The following LRRTM4 variants were observed in gnomAD, a reference collection of about 807,000 sequenced individuals.
LRRTM4 encodes the protein leucine-rich repeat transmembrane neuronal protein 4.
LRRTM4 carries 25 observed loss-of-function variants against 47.6 expected under a neutral mutation model. That is an observed-to-expected ratio of 0.53 (90% CI 0.38 to 0.73). LRRTM4 has a LOEUF of 0.73. LRRTM4 is among the 30% of genes least tolerant of loss of function. The pLI is 0.00. For synonymous variants in LRRTM4, 311 were observed against 269.5 expected (o/e 1.15, Z -1.51); for missense variants, 638 against 713.4 (o/e 0.89, Z 1.20).
chr2:76,803,859 A>AT (rs1675830254), intron 3 of LRRTM4, among the ~76,000 whole-genome samples: 1 of 152,126 alleles, frequency 6.6e-6, no homozygotes, highest in Non-Finnish European at 1.5e-5. Context: ...CAAAAACCTG[A>AT]TTTTCCTGTG....
intron 3 of LRRTM4, among the ~76,000 whole-genome samples, chr2:77,088,881 C>T (rs1161631230): frequency 6.6e-6 from 1 of 152,132 alleles, no homozygotes; most frequent in Non-Finnish European, 1.5e-5. Flanking sequence ...CAATCTCTTT[C>T]TCCTTTCAAT....
rs549680893 is a variant in LRRTM4 at position 76,837,338 on chromosome 2, A to T, written c.1552-88422T>A. ...ATCCTTTCAAAAAACCAGCTCCTGG[A>T]TTCATTAATTTTTTGAAGGGTTTTT... On this transcript the variant is annotated intron_variant, in intron 3 of 3. Coordinates refer to ENST00000409884, the MANE Select transcript of LRRTM4 (RefSeq NM_001134745.3). Among the ~76,000 whole-genome samples the T allele has an allele frequency of 3.3e-5, 5 of 152,010 alleles. No homozygotes were observed. In the East Asian group the frequency reaches 9.7e-4, roughly 29 times the overall value.
chr2:76,915,944 C>T (rs7592470), intron 3 of LRRTM4, among the ~76,000 whole-genome samples: 55,744 of 151,768 alleles, frequency 0.37, 11,160 homozygotes, highest in East Asian at 0.72. Context: ...ATCTTTGCCT[C>T]TTAAAAGGCA....
At chr2:77,145,451 C>G (rs1672231649) in intron 3 of LRRTM4, among the ~76,000 whole-genome samples, 1 of 151,686 alleles carries the variant, frequency 6.6e-6, no homozygotes, top group Non-Finnish European at 1.5e-5. Flanking sequence ...TTAAAATCTT[C>G]TAGTCATTGG....
intron 3 of LRRTM4, among the ~76,000 whole-genome samples, chr2:76,968,377 T>TAC (rs1226840222): frequency 3.1e-5 from 4 of 130,648 alleles, no homozygotes; most frequent in African/African-American, 8.8e-5. Context: ...TATATATATA[T>TAC]ATATATACAC....
At chr2:77,500,270 C>A (rs932303436) in intron 3 of LRRTM4, among the ~76,000 whole-genome samples, 1 of 151,690 alleles carries the variant, frequency 6.6e-6, no homozygotes, top group African/African-American at 2.4e-5. Context: ...CCTAATTAAT[C>A]AACATCATTT....
chr2:77,024,601 T>C (rs965926547), intron 3 of LRRTM4, among the ~76,000 whole-genome samples: 1 of 152,084 alleles, frequency 6.6e-6, no homozygotes, highest in African/African-American at 2.4e-5. Flanking sequence ...AAACCACAAG[T>C]AAGCCTTATA....
chr2:76,751,635 A>G (rs760389489), intron 3 of LRRTM4, among the ~76,000 whole-genome samples: 15 of 152,112 alleles, frequency 9.9e-5, no homozygotes, highest in Non-Finnish European at 1.6e-4. Flanking sequence ...ATCTTATTCA[A>G]TGAGACCTCT....
At chr2:76,797,741 C>T (rs368509625) in intron 3 of LRRTM4, among the ~76,000 whole-genome samples, 3,773 of 150,646 alleles carry the variant, frequency 0.025, 160 homozygotes, top group African/African-American at 0.075. Context: ...CAGAGACACA[C>T]ATAGGCTCAA....
chr2:76,807,459 C>CATATATATACAT (rs1670547824), intron 3 of LRRTM4, among the ~76,000 whole-genome samples: 22 of 85,620 alleles, frequency 2.6e-4, no homozygotes, highest in African/African-American at 1.4e-3. Context: ...TATATATATA[C>CATATATATACAT]ATATATATAT....
chr2:77,484,256 T>C (rs995761652), intron 3 of LRRTM4, among the ~76,000 whole-genome samples: 5 of 152,242 alleles, frequency 3.3e-5, no homozygotes, highest in Non-Finnish European at 5.9e-5. Flanking sequence ...ATTTCTTATG[T>C]AGATAACTTG....
At position 77,273,406 on chromosome 2, in the gene LRRTM4, C is replaced by A. The variant is rs186426806; in HGVS notation, c.1551+244912G>T. Among the ~76,000 whole-genome samples the A allele has an allele frequency of 8.9e-3, 1,349 of 152,154 alleles. 11 individuals are homozygous for A. Among genetic ancestry groups the A allele is most frequent in the Non-Finnish European group, 0.014 (927 of 67,956 alleles). On this transcript the variant is annotated intron_variant, in intron 3 of 3. Coordinates refer to ENST00000409884, the MANE Select transcript of LRRTM4 (RefSeq NM_001134745.3). ...TTACCTTAATTTTTAATCACTATGG[C>A]AAAATTTTTAATTAATGTAATTCTG... is the stretch of plus-strand genomic sequence containing the variant.
At chr2:76,939,546 A>ATAGCAAC (rs1484589305) in intron 3 of LRRTM4, among the ~76,000 whole-genome samples, 5 of 152,032 alleles carry the variant, frequency 3.3e-5, no homozygotes, top group Non-Finnish European at 7.4e-5. Context: ...ATCATGGAAG[A>ATAGCAAC]TAAAACAGAT....
intron 3 of LRRTM4, among the ~76,000 whole-genome samples, chr2:76,807,949 C>CTT (rs10643892): frequency 0.13 from 17,912 of 139,556 alleles, 1,392 homozygotes; most frequent in East Asian, 0.29. Context: ...TTCTTTCTTT[C>CTT]TTTCTTTTTC....
intron 3 of LRRTM4, among the ~76,000 whole-genome samples, chr2:77,050,212 G>A (rs1185428018): frequency 6.8e-6 from 1 of 147,608 alleles, no homozygotes; most frequent in Non-Finnish European, 1.5e-5. Flanking sequence ...TGGGATTCTG[G>A]CATTTCTTGT....
intron 3 of LRRTM4, among the ~76,000 whole-genome samples, chr2:76,922,704 G>A (rs1168809849): frequency 1.3e-5 from 2 of 152,008 alleles, no homozygotes; most frequent in Non-Finnish European, 1.5e-5. Flanking sequence ...TAAATGTACA[G>A]CATGGGTGCT....
chr2:77,224,426 C>T (rs568770948), intron 3 of LRRTM4, among the ~76,000 whole-genome samples: 2 of 152,262 alleles, frequency 1.3e-5, no homozygotes, highest in South Asian at 2.1e-4. Flanking sequence ...AACAGGCAAC[C>T]TACAGAACGG....
intron 3 of LRRTM4, among the ~76,000 whole-genome samples, chr2:77,100,601 A>G (rs1380080055): frequency 2.6e-5 from 4 of 152,276 alleles, no homozygotes; most frequent in African/African-American, 9.6e-5. Flanking sequence ...CCTCTTCACA[A>G]GTAGAACAAT....
At chr2:77,023,423 A>G (rs186081170) in intron 3 of LRRTM4, among the ~76,000 whole-genome samples, 2 of 152,302 alleles carry the variant, frequency 1.3e-5, no homozygotes, top group South Asian at 2.1e-4. Flanking sequence ...GCTGGCTTGA[A>G]TATTTCCTCA....
Sources: allele counts gnomAD v4.1 joint callset (sites outside exome capture counted in the v4.1 genomes callset), GRCh38; gene constraint gnomAD v4.1.1; transcripts MANE v1.5; gene names NCBI Gene and HGNC (gene_info 2026-07-23, HGNC 2026-07-21).